The following RBFOX3 variants were observed in gnomAD, a reference collection of about 807,000 sequenced individuals.
RBFOX3 encodes the protein RNA binding fox-1 homolog 3, also known as RNA binding protein fox-1 homolog 3.
A neutral mutation model predicts 48.7 loss-of-function variants in RBFOX3; 17 were observed. The ratio of observed to expected loss-of-function variants is 0.35; its 90% confidence interval spans 0.24 to 0.52. The LOEUF (loss-of-function observed/expected upper bound fraction) is 0.52, where lower values mean the gene tolerates loss of function less well. Ranked by LOEUF, RBFOX3 falls within the 20% of genes least tolerant of loss-of-function variation. RBFOX3 has a pLI of 0.94. For missense variants in RBFOX3, 382 were observed against 497.5 expected (o/e 0.77, Z 2.21); for synonymous variants, 212 against 209.5 (o/e 1.01, Z -0.10).
At chr17:79,600,208 T>C (rs978882984) in intron 1 of RBFOX3, 1 of 152,382 alleles carries the variant, frequency 6.6e-6, no homozygotes, top group Admixed American at 6.5e-5. Flanking sequence ...CTCACACATG[T>C]ACGACACACA....
intron 3 of RBFOX3, among the ~76,000 whole-genome samples, chr17:79,278,415 A>G (rs1041480156): frequency 6.6e-6 from 1 of 152,024 alleles, no homozygotes; most frequent in Non-Finnish European, 1.5e-5. Flanking sequence ...CGCCTGCCAC[A>G]TGGCACCTGC....
the RBFOX3 span, among the ~76,000 whole-genome samples, chr17:79,635,829 C>T: frequency 6.6e-6 from 1 of 152,104 alleles, no homozygotes; most frequent in African/African-American, 2.4e-5. Flanking sequence ...GAGGCTCCAC[C>T]TCATTCATCA....
At chr17:79,408,448 T>A (rs1286704063) in intron 2 of RBFOX3, among the ~76,000 whole-genome samples, 2 of 152,098 alleles carry the variant, frequency 1.3e-5, no homozygotes, top group Non-Finnish European at 2.9e-5. Flanking sequence ...CTGAGCAGGA[T>A]GGGGGCCCAG....
chr17:79,591,638 G>A (rs1000100543), intron 1 of RBFOX3, among the ~76,000 whole-genome samples: 3 of 152,282 alleles, frequency 2.0e-5, no homozygotes, highest in Admixed American at 6.5e-5. Context: ...AAACAGTATC[G>A]TGTTTTCTGT....
At chr17:79,588,615 C>A (rs945098503) in intron 1 of RBFOX3, among the ~76,000 whole-genome samples, 4 of 152,220 alleles carry the variant, frequency 2.6e-5, no homozygotes, top group Non-Finnish European at 4.4e-5. Flanking sequence ...TAGCACTCTG[C>A]AGGTATCCCC....
chr17:79,179,278 G>A (rs1390664507), intron 4 of RBFOX3, among the ~76,000 whole-genome samples: 2 of 152,204 alleles, frequency 1.3e-5, no homozygotes, highest in African/African-American at 2.4e-5. Context: ...GGAGCCTTTG[G>A]GTTCCACAAC....
chr17:79,171,584 T>A (rs1446474682), intron 4 of RBFOX3, among the ~76,000 whole-genome samples: 1 of 152,180 alleles, frequency 6.6e-6, no homozygotes, highest in African/African-American at 2.4e-5. Context: ...ATCTCTGGTT[T>A]CCAGACTTTT....
At chr17:79,467,119 G>A (rs978679055) in intron 2 of RBFOX3, among the ~76,000 whole-genome samples, 31 of 152,222 alleles carry the variant, frequency 2.0e-4, no homozygotes, top group African/African-American at 5.1e-4. Flanking sequence ...TCAGGACTGC[G>A]GTGGCATCAC....
intron 2 of RBFOX3, among the ~76,000 whole-genome samples, chr17:79,342,301 TC>T (rs1199486066): frequency 6.6e-6 from 1 of 152,266 alleles, no homozygotes; most frequent in Non-Finnish European, 1.5e-5. Flanking sequence ...CTTTTCTTTT[TC>T]CCAACAACTG....
chr17:79,343,511 G>A (rs1046751288), intron 2 of RBFOX3, among the ~76,000 whole-genome samples: 1 of 151,856 alleles, frequency 6.6e-6, no homozygotes. Flanking sequence ...AGTGAGACTC[G>A]GTCTCAAAAG....
chr17:79,475,047 C>T (rs896848036), intron 2 of RBFOX3, among the ~76,000 whole-genome samples: 21 of 152,294 alleles, frequency 1.4e-4, no homozygotes, highest in Non-Finnish European at 2.2e-4. Flanking sequence ...CAAAAGTGTG[C>T]GCCCAAAACT....
intron 1 of RBFOX3, chr17:79,600,210 C>T (rs924812326): frequency 0.012 from 1,787 of 152,374 alleles, 11 homozygotes; most frequent in Middle Eastern, 0.048. Flanking sequence ...CACACATGTA[C>T]GACACACATA....
chr17:79,527,584 G>A lies in RBFOX3; in HGVS notation c.-319-44986C>T, dbSNP rs1024513538. Among the ~76,000 whole-genome samples, 6 of 152,086 alleles carry A rather than the reference G, an allele frequency of 3.9e-5. No individual in the cohort carries two copies. The East Asian group carries it at 9.7e-4, about 24-fold the overall frequency. ...CTCTGTTTCCCAACCCAGGGCTTAC[G>A]CATGTGTATTTCTATACATTATTCC... On this transcript the variant is annotated intron_variant, in intron 1 of 14. Coordinates refer to ENST00000693108, the MANE Select transcript of RBFOX3 (RefSeq NM_001350451.2).
intron 2 of RBFOX3, among the ~76,000 whole-genome samples, chr17:79,332,929 GAT>G (rs34509821): frequency 0.76 from 112,942 of 149,126 alleles, 43,093 homozygotes; most frequent in East Asian, 0.99. Flanking sequence ...CAGAAAGACA[GAT>G]AGACAGACAC....
At chr17:79,228,595 T>C (rs1379708916) in intron 4 of RBFOX3, among the ~76,000 whole-genome samples, 1 of 152,176 alleles carries the variant, frequency 6.6e-6, no homozygotes, top group Non-Finnish European at 1.5e-5. Flanking sequence ...CCAGGGACCC[T>C]CTTCAGGTTC....
chr17:79,222,927 C>A (rs2059904109), intron 4 of RBFOX3, among the ~76,000 whole-genome samples: 1 of 152,156 alleles, frequency 6.6e-6, no homozygotes, highest in Non-Finnish European at 1.5e-5. Flanking sequence ...GGGCTCCATT[C>A]TGGAGGGTCT....
chr17:79,246,972 G>A (rs978546332), intron 3 of RBFOX3, among the ~76,000 whole-genome samples: 1 of 152,172 alleles, frequency 6.6e-6, no homozygotes, highest in Non-Finnish European at 1.5e-5. Flanking sequence ...TCTTAGATGA[G>A]CGCGTTTCAT....
At chr17:79,333,485 AG>A (rs1331177201) in intron 2 of RBFOX3, among the ~76,000 whole-genome samples, 3 of 152,180 alleles carry the variant, frequency 2.0e-5, no homozygotes, top group Non-Finnish European at 4.4e-5. Context: ...TACAGTATAA[AG>A]AGAGAGAGGA....
intron 2 of RBFOX3, among the ~76,000 whole-genome samples, chr17:79,317,404 TG>T (rs1338421315): frequency 6.6e-6 from 1 of 152,250 alleles, no homozygotes; most frequent in East Asian, 1.9e-4. Context: ...AGATTTGAGC[TG>T]GTGAAGCCCC....
Sources: gnomAD v4.1 joint callset for allele counts (sites outside exome capture counted in the v4.1 genomes callset) on GRCh38, gnomAD v4.1.1 for gene constraint, MANE v1.5 for transcripts, NCBI Gene and HGNC (gene_info 2026-07-23, HGNC 2026-07-21) for gene names.